Variants in PPIP5K2 observed in about 807,000 individuals in gnomAD.
The protein encoded by PPIP5K2 is inositol hexakisphosphate and diphosphoinositol-pentakisphosphate kinase 2.
A neutral mutation model predicts 154.6 loss-of-function variants in PPIP5K2; 105 were observed. The ratio of observed to expected loss-of-function variants is 0.68; its 90% CI spans 0.58 to 0.80. The LOEUF (loss-of-function observed/expected upper bound fraction) is 0.80. PPIP5K2 is among the 30% of genes least tolerant of loss of function. The probability of loss-of-function intolerance (pLI) is 0.00; values close to 1 mark genes in which losing one functional copy is unlikely to be tolerated. For missense variants in PPIP5K2, 992 were observed against 1,504.6 expected (o/e 0.66, Z 5.64); for synonymous variants, 480 against 490.3 (o/e 0.98, Z 0.28).
rs1320962376 is a variant in PPIP5K2, at chr5:103,205,680, T to C, written c.*4046T>C. The C allele has an allele frequency of 6.6e-6, 1 of 152,234 alleles. No homozygotes were observed. Among genetic ancestry groups the C allele is most frequent in the Non-Finnish European group, 1.5e-5 (1 of 68,038 alleles). The allele number at this position is 152,234 out of a possible 1,614,324, so 9.4% of individuals were successfully genotyped here. A position where few individuals can be genotyped will look rare whatever the true frequency, so the allele number is the denominator to read the frequency against. ...TGTCAATTTCTCCTTTTATTATCAA[T>C]GGTTTTTACTTTACTTTTTATATAG... is the stretch of plus-strand genomic sequence containing the variant. On this transcript the variant is annotated 3_prime_UTR_variant, in exon 31 of 31. Transcript: ENST00000358359.
Position 103,127,638 on chromosome 5 carries a change from C to T in PPIP5K2, c.-284-1668C>T, listed in dbSNP as rs118154667. On this transcript the variant is annotated intron_variant, in intron 1 of 30. Coordinates refer to ENST00000358359, the MANE Select transcript of PPIP5K2 (RefSeq NM_001276277.3). ...TATGGTTTATTGAGTGTTTAATATA[C>T]GCCAAGCACTTATGCTATCTCACTT... Among the ~76,000 whole-genome samples the T allele has an allele frequency of 4.6e-5, 7 of 152,232 alleles. No individual in the cohort carries two copies. The East Asian group carries it at 5.8e-4, about 13-fold the overall frequency.
chr5:103,126,296 C>T (rs958717948), intron 1 of PPIP5K2, among the ~76,000 whole-genome samples: 3 of 152,098 alleles, frequency 2.0e-5, no homozygotes, highest in South Asian at 2.1e-4. Flanking sequence ...CTATATACTT[C>T]ATACAGCATT....
At chr5:103,189,065 C>A (rs1236506593) in intron 28 of PPIP5K2, 27 of 757,844 alleles carry the variant, frequency 3.6e-5, no homozygotes, top group South Asian at 2.0e-4. Flanking sequence ...ATCTTTAACA[C>A]ATATCATGGA....
chr5:103,184,565 C>A, intron 25 of PPIP5K2, 107 bp from the exon 26 acceptor site: 1 of 758,628 alleles, frequency 1.3e-6, no homozygotes, highest in Non-Finnish European at 2.1e-6. Context: ...TAATATTTAT[C>A]ATACAGCTTA....
intron 24 of PPIP5K2, 37 bp downstream of exon 24, chr5:103,180,225 A>G: frequency 6.9e-7 from 1 of 1,452,880 alleles, no homozygotes; most frequent in Non-Finnish European, 9.1e-7. Context: ...TTCATACAGT[A>G]AACTAACTAT....
At chr5:103,128,068 C>T (rs1406294647) in intron 1 of PPIP5K2, among the ~76,000 whole-genome samples, 4 of 151,596 alleles carry the variant, frequency 2.6e-5, no homozygotes, top group South Asian at 2.1e-4. Context: ...TTAAATGTAA[C>T]GCTGTATTTT....
chr5:103,139,544 T>C (rs77681629), intron 5 of PPIP5K2, among the ~76,000 whole-genome samples: 2,963 of 152,278 alleles, frequency 0.019, 101 homozygotes, highest in African/African-American at 0.069. Flanking sequence ...TGGAAAGCTT[T>C]CTCAAGAAGG....
chr5:103,190,185 T>C (rs1801004836), intron 28 of PPIP5K2, among the ~76,000 whole-genome samples: 1 of 152,048 alleles, frequency 6.6e-6, no homozygotes, highest in Non-Finnish European at 1.5e-5. Context: ...TTCTGTGCCA[T>C]TGTTAAATAG....
intron 16 of PPIP5K2, 105 bp from the exon 17 acceptor site, chr5:103,159,041 T>C: frequency 1.2e-6 from 1 of 802,018 alleles, no homozygotes; most frequent in Non-Finnish European, 1.8e-6. Flanking sequence ...ATAAAGTTTA[T>C]TTATGATAAA....
At chr5:103,166,250 AT>A (rs1200978517) in intron 17 of PPIP5K2, among the ~76,000 whole-genome samples, 4 of 151,958 alleles carry the variant, frequency 2.6e-5, no homozygotes, top group African/African-American at 9.7e-5. Context: ...TTATTATGAG[AT>A]TGTTTTGAGA....
At chr5:103,170,177 T>A (rs1797761131) in intron 19 of PPIP5K2, among the ~76,000 whole-genome samples, 1 of 151,656 alleles carries the variant, frequency 6.6e-6, no homozygotes. Flanking sequence ...TTCAGGTGTA[T>A]TGTTTATATA....
At position 103,181,528 on chromosome 5, in the gene PPIP5K2, C is replaced by G. The variant is rs146340214; in HGVS notation, c.2922+1340C>G. On this transcript the variant is annotated intron_variant, in intron 24 of 30. Transcript: ENST00000358359. ...GGTTGCAGTGAGCCGAGACCACCCCCCTGACTGCACTGCAGCCTGGGCAAC... is the reference window on the plus strand; with the variant it reads ...GGTTGCAGTGAGCCGAGACCACCCCGCTGACTGCACTGCAGCCTGGGCAAC... Among the ~76,000 whole-genome samples the G allele has an allele frequency of 6.2e-3, 936 of 151,896 alleles. 4 individuals carry two copies. The highest frequency in any genetic ancestry group is 7.6e-3 in the Non-Finnish European group (515 of 67,924).
chr5:103,165,827 C>G (rs1449516341), intron 17 of PPIP5K2, among the ~76,000 whole-genome samples: 1 of 151,976 alleles, frequency 6.6e-6, no homozygotes, highest in Non-Finnish European at 1.5e-5. Flanking sequence ...TGAAGAAGAC[C>G]AATAATTAAC....
chr5:103,161,421 C>T (rs539150274), intron 17 of PPIP5K2, among the ~76,000 whole-genome samples: 16 of 152,224 alleles, frequency 1.1e-4, no homozygotes, highest in Admixed American at 7.9e-4. Context: ...AATAAACATA[C>T]GTGTGCATGT....
chr5:103,173,381 T>C, intron 20 of PPIP5K2, 99 bp downstream of exon 20: 1 of 1,306,566 alleles, frequency 7.7e-7, no homozygotes, highest in Non-Finnish European at 1.0e-6. Flanking sequence ...CAGAAGTGTG[T>C]CATTGGCATA....
At chr5:103,150,946 A>T (rs1554211093) in intron 8 of PPIP5K2, among the ~76,000 whole-genome samples, 3 of 146,028 alleles carry the variant, frequency 2.1e-5, no homozygotes, top group African/African-American at 7.6e-5. Flanking sequence ...TTTTTAAATT[A>T]AATGTTAATT....
chr5:103,180,100 T>G lies in PPIP5K2; in HGVS notation c.2834T>G (p.Val945Gly). The G allele has an allele frequency of 6.2e-7, 1 of 1,605,774 alleles. No individual in the cohort carries two copies. Among genetic ancestry groups the G allele is most frequent in the Non-Finnish European group, 8.5e-7 (1 of 1,176,756 alleles). Residue 945 changes from valine (V) to glycine (G), a missense_variant, in exon 24 of 31, where the codon GTG becomes GGG. Around this residue, in one of 9 missense-constraint regions of PPIP5K2, gnomAD observed 204 missense variants for 224.0 expected, o/e 0.91. Transcript: ENST00000358359. Reference sequence around the variant, plus strand: ...AAAAGAGATGAAGTTGATCGAGCTGTGATATTGTTTAAACCAATGGTATCA... The same window carrying G: ...AAAAGAGATGAAGTTGATCGAGCTGGGATATTGTTTAAACCAATGGTATCA... ...TSKRDEVDRA[V>G]ILFKPMVSEP...
intron 30 of PPIP5K2, among the ~76,000 whole-genome samples, chr5:103,195,468 GA>G (rs1554228229): frequency 6.6e-6 from 1 of 151,586 alleles, no homozygotes; most frequent in Non-Finnish European, 1.5e-5. Context: ...ATTAAAAAAA[GA>G]AAAAAAATTT....
intron 17 of PPIP5K2, among the ~76,000 whole-genome samples, chr5:103,162,615 G>A (rs1554216332): frequency 6.6e-6 from 1 of 151,978 alleles, no homozygotes; most frequent in Non-Finnish European, 1.5e-5. Flanking sequence ...CTCCTGCCTT[G>A]ACATCCCAAG....
Sources: allele counts gnomAD v4.1 joint callset (sites outside exome capture counted in the v4.1 genomes callset), GRCh38; gene constraint gnomAD v4.1.1; regional missense constraint gnomAD v4.1.1; transcripts MANE v1.5; gene names NCBI Gene and HGNC (gene_info 2026-07-23, HGNC 2026-07-21).